Variants in MCTP2 observed in about 807,000 individuals in gnomAD.
The protein encoded by MCTP2 is multiple C2 and transmembrane domain-containing protein 2.
In MCTP2, 132 loss-of-function variants were observed where a neutral mutation model predicts 111.6. The ratio of observed to expected loss-of-function variants is 1.18; its 90% confidence interval spans 1.03 to 1.37. MCTP2 has a LOEUF of 1.37. Among genes scored for constraint, MCTP2 ranks in the 40% most tolerant of loss-of-function variants. The pLI is 0.00. For synonymous variants in MCTP2, 395 were observed against 387.7 expected, an observed-to-expected ratio of 1.02 and a Z score of -0.22; for missense variants, 1,183 against 1,067.9, an observed-to-expected ratio of 1.11 and a Z score of -1.50.
chr15:94,464,910 A>G (rs1283496823), intron 20 of MCTP2, among the ~76,000 whole-genome samples: 2 of 152,046 alleles, frequency 1.3e-5, no homozygotes, highest in African/African-American at 4.8e-5. Flanking sequence ...TTTCCATGTG[A>G]GCTTGAAAAG....
chr15:94,305,294 T>G (rs1352153847), intron 2 of MCTP2, among the ~76,000 whole-genome samples: 1 of 152,140 alleles, frequency 6.6e-6, no homozygotes, highest in East Asian at 1.9e-4. Flanking sequence ...TGGGTTTCTG[T>G]TGTTTAAGCC....
intron 1 of MCTP2, among the ~76,000 whole-genome samples, chr15:94,235,972 T>A (rs1351393369): frequency 1.3e-5 from 2 of 152,206 alleles, no homozygotes; most frequent in Non-Finnish European, 2.9e-5. Context: ...ATTTCCAAAC[T>A]AGGAAGGAAG....
At chr15:94,469,055 T>A (rs1247259038) in intron 20 of MCTP2, among the ~76,000 whole-genome samples, 2 of 152,222 alleles carry the variant, frequency 1.3e-5, no homozygotes, top group East Asian at 3.8e-4. Flanking sequence ...GGCAGAATTA[T>A]TAAGAGCATT....
chr15:94,317,130 G>T (rs112345973), intron 4 of MCTP2, among the ~76,000 whole-genome samples: 3,690 of 152,000 alleles, frequency 0.024, 165 homozygotes, highest in African/African-American at 0.082. Flanking sequence ...CCCTTTTTGA[G>T]AATATTAAGT....
intron 1 of MCTP2, among the ~76,000 whole-genome samples, chr15:94,237,973 C>T (rs1397358132): frequency 6.6e-6 from 1 of 152,096 alleles, no homozygotes; most frequent in Admixed American, 6.5e-5. Context: ...CCCCCCGCCC[C>T]GCGCACTTTG....
chr15:94,241,064 C>T (rs938320448), intron 1 of MCTP2, among the ~76,000 whole-genome samples: 11 of 152,104 alleles, frequency 7.2e-5, no homozygotes, highest in African/African-American at 1.9e-4. Flanking sequence ...TCGTGGTCTT[C>T]GAGAAGCTGG....
In MCTP2 at chr15:94,458,189, T is replaced by A; in HGVS notation, c.2303T>A (p.Val768Asp). ...AGAATCTATATGGTACAGGATATTG[T>A]TTCAACTGTTCAAAACGTCTTGGAG... Reference protein sequence around the residue: ...IERIYMVQDIVSTVQNVLEEI... With the variant: ...IERIYMVQDIDSTVQNVLEEI... Residue 768 changes from valine (V) to aspartate (D), a missense_variant, in exon 20 of 23, where the codon GTT (valine) becomes GAT (aspartate). Physicochemically the swap from Val to Asp is radical, Grantham distance 152 (BLOSUM62 -3). Coordinates refer to ENST00000357742, the MANE Select transcript of MCTP2 (RefSeq NM_001385001.1). The A allele has an allele frequency of 6.2e-7, 1 of 1,612,864 alleles. No homozygotes were observed. The highest frequency in any genetic ancestry group is 8.5e-7 in the Non-Finnish European group (1 of 1,178,818).
At chr15:94,243,722 CATACATATGTGT>C (rs1280706146) in intron 1 of MCTP2, among the ~76,000 whole-genome samples, 1 of 113,366 alleles carries the variant, frequency 8.8e-6, no homozygotes, top group African/African-American at 3.8e-5. Flanking sequence ...TATGTATACA[CATACATATGTGT>C]ATACATATAT....
At chr15:94,431,673 AT>A (rs554757669) in intron 17 of MCTP2, among the ~76,000 whole-genome samples, 6 of 152,054 alleles carry the variant, frequency 3.9e-5, no homozygotes, top group Non-Finnish European at 7.4e-5. Flanking sequence ...TCAAATTATA[AT>A]TTTTTTTAAA....
At chr15:94,246,072 C>G (rs79118341) in intron 1 of MCTP2, among the ~76,000 whole-genome samples, 2,240 of 152,078 alleles carry the variant, frequency 0.015, 53 homozygotes, top group African/African-American at 0.051. Flanking sequence ...GAGGGACTGG[C>G]AAAGGCTTGG....
chr15:94,409,749 A>C (rs968286309), intron 17 of MCTP2, among the ~76,000 whole-genome samples: 1 of 151,462 alleles, frequency 6.6e-6, no homozygotes, highest in Non-Finnish European at 1.5e-5. Flanking sequence ...CCTTCCCACA[A>C]GCAGTGATGG....
intron 2 of MCTP2, among the ~76,000 whole-genome samples, chr15:94,309,398 G>A (rs2076029076): frequency 6.6e-6 from 1 of 152,120 alleles, no homozygotes; most frequent in Non-Finnish European, 1.5e-5. Context: ...GAATACTATT[G>A]ATTTGTTCAG....
At chr15:94,445,678 TG>T (rs2084075183) in intron 19 of MCTP2, among the ~76,000 whole-genome samples, 1 of 152,208 alleles carries the variant, frequency 6.6e-6, no homozygotes, top group Admixed American at 6.5e-5. Flanking sequence ...CATAGTGAGC[TG>T]GAAGAAAGGT....
At chr15:94,440,485 CTTACG>C (rs1414880629) in intron 18 of MCTP2, among the ~76,000 whole-genome samples, 187 bp downstream of exon 18, 1 of 152,210 alleles carries the variant, frequency 6.6e-6, no homozygotes, top group Non-Finnish European at 1.5e-5. Context: ...TCTGTGGCAT[CTTACG>C]TTCCTGAGTC....
intron 12 of MCTP2, among the ~76,000 whole-genome samples, chr15:94,373,338 G>A (rs916951343): frequency 1.3e-5 from 2 of 152,082 alleles, no homozygotes; most frequent in Non-Finnish European, 2.9e-5. Flanking sequence ...ATACTAAGGT[G>A]AATTTATTTC....
rs28451912 is a variant in MCTP2 at position 94,332,751 on chromosome 15, C to A, written c.638-6539C>A. 1.5e-3 allele frequency among the ~76,000 whole-genome samples: 229 copies of A among 152,242 alleles called. 2 individuals are homozygous for A. Among genetic ancestry groups the A allele is most frequent in the African/African-American group, 5.2e-3 (214 of 41,514 alleles). ...TGCATGGCTAAATTTTATAACTTGG[C>A]AAACCTGCTTTGCTGATAGCAAATA... is the stretch of plus-strand genomic sequence containing the variant. On this transcript the variant is annotated intron_variant, in intron 4 of 22. Coordinates refer to ENST00000357742, the MANE Select transcript of MCTP2 (RefSeq NM_001385001.1).
At chr15:94,296,668 GTGTCATCGTATC>G (rs1305836135) in intron 1 of MCTP2, among the ~76,000 whole-genome samples, 1 of 152,200 alleles carries the variant, frequency 6.6e-6, no homozygotes, top group African/African-American at 2.4e-5. Context: ...TTTCTACTTT[GTGTCATCGTATC>G]TGTAAACTAG....
intron 17 of MCTP2, among the ~76,000 whole-genome samples, chr15:94,413,374 A>G (rs1451068948): frequency 1.3e-5 from 2 of 152,198 alleles, no homozygotes; most frequent in Non-Finnish European, 2.9e-5. Context: ...CAGAAGAAAT[A>G]AGATCCAGAT....
rs1209153899 is a variant in MCTP2 at position 94,482,355 on chromosome 15, AAAGT to A, written c.*3327_*3330del. ...ACTTTCAAATAGTGGCACTGGGAAA[AAAGT>A]AAGTAGAATTGAGAGATGGTGAAGA... On this transcript the variant is annotated 3_prime_UTR_variant, in exon 23 of 23. Transcript: ENST00000357742. The A allele has an allele frequency of 2.0e-5, 3 of 152,218 alleles. No homozygotes were observed. Among genetic ancestry groups the A allele is most frequent in the African/African-American group, 7.2e-5 (3 of 41,444 alleles). The allele number at this position is 152,218 out of a possible 1,614,324, so 9.4% of individuals were successfully genotyped here.
Sources: allele counts gnomAD v4.1 joint callset (sites outside exome capture counted in the v4.1 genomes callset), GRCh38; gene constraint gnomAD v4.1.1; transcripts MANE v1.5; gene names NCBI Gene and HGNC (gene_info 2026-07-23, HGNC 2026-07-21).